Variants in ICA1L observed in about 807,000 individuals in gnomAD.
The protein encoded by ICA1L is islet cell autoantigen 1-like protein.
A neutral mutation model predicts 61.3 loss-of-function variants in ICA1L; 50 were observed. The ratio of observed to expected loss-of-function variants is 0.82; its 90% confidence interval spans 0.65 to 1.03. The LOEUF is 1.03. Ranked by LOEUF, ICA1L falls within the 50% of genes least tolerant of loss-of-function variation. ICA1L has a pLI of 0.00. For missense variants in ICA1L, 508 were observed against 556.7 expected (o/e 0.91, Z 0.88); for synonymous variants, 161 against 191.3 (o/e 0.84, Z 1.31).
intron 3 of ICA1L, among the ~76,000 whole-genome samples, chr2:202,825,125 A>T (rs923389698): frequency 5.3e-5 from 8 of 152,200 alleles, no homozygotes; most frequent in Non-Finnish European, 1.0e-4. Context: ...TGCAAGGGCA[A>T]GTGGGAGTCA....
chr2:202,777,432 G>A lies in ICA1L; in HGVS notation c.*2101C>T, dbSNP rs62194158. 0.37 allele frequency: 56,009 copies of A among 151,896 alleles called. 11,584 individuals are homozygous for A. The highest frequency in any genetic ancestry group is 0.6 in the Middle Eastern group (177 of 294). 9.4% of individuals were successfully genotyped at this position (151,896 alleles called of 1,614,324 possible). On this transcript the variant is annotated 3_prime_UTR_variant, in exon 13 of 13. Transcript: ENST00000358299. ...GGGTATAGAATTCAGATTGGGATTC[G>A]TAATCATGATCTTGGTGATTGGAAC...
chr2:202,774,470 G>GT lies in ICA1L; in HGVS notation c.*5062dup, dbSNP rs1390870959. The GT allele has an allele frequency of 6.5e-5, 32 of 491,232 alleles. No individual in the cohort carries two copies. In the East Asian group the frequency reaches 1.1e-3, roughly 16 times the overall value. 30.4% of individuals were successfully genotyped at this position (491,232 alleles called of 1,614,324 possible). A position where few individuals can be genotyped will look rare whatever the true frequency, so the allele number is the denominator to read the frequency against. ...CTCAAGAAACAACTTTTTCTTTCAT[G>GT]TTTTTTGTATGTGTTTTTTTAGGTT... On this transcript the variant is annotated 3_prime_UTR_variant, in exon 13 of 13. Transcript: ENST00000358299.
chr2:202,836,816 G>A (rs971973491), intron 1 of ICA1L, among the ~76,000 whole-genome samples: 2 of 144,158 alleles, frequency 1.4e-5, no homozygotes, highest in African/African-American at 5.0e-5. Context: ...GATATATATA[G>A]ATATATAGAT....
chr2:202,847,351 T>A (rs1465299603), intron 1 of ICA1L, among the ~76,000 whole-genome samples: 1 of 152,182 alleles, frequency 6.6e-6, no homozygotes, highest in South Asian at 2.1e-4. Flanking sequence ...ACATCTTGAA[T>A]CTGAAATGAT....
intron 12 of ICA1L, among the ~76,000 whole-genome samples, chr2:202,785,442 A>G (rs1171041507): frequency 6.6e-6 from 1 of 152,012 alleles, no homozygotes; most frequent in African/African-American, 2.4e-5. Flanking sequence ...TCTTTTGGAG[A>G]CAGTCTTGCT....
intron 8 of ICA1L, 82 bp from the exon 9 acceptor site, chr2:202,811,871 T>A: frequency 1.0e-6 from 1 of 990,976 alleles, no homozygotes; most frequent in Non-Finnish European, 1.6e-6. Flanking sequence ...TTTATATGGT[T>A]AAAAAAATTT....
rs563718776 is a variant in ICA1L, at chr2:202,815,621, T to A, written c.783+290A>T. ...CTTTAATTTTAAATTAAATTAAATT[T>A]AATTTTTTTTTTACTTTTAAATTTT... is the stretch of plus-strand genomic sequence containing the variant. On this transcript the variant is annotated intron_variant, in intron 7 of 12. Transcript: ENST00000358299. Among the ~76,000 whole-genome samples the A allele has an allele frequency of 3.6e-4, 54 of 152,002 alleles. 1 individual carries two copies. Among genetic ancestry groups the A allele is most frequent in the South Asian group, 2.3e-3 (11 of 4,818 alleles).
Position 202,786,881 on chromosome 2 carries a change from G to A in ICA1L, c.1244-874C>T, listed in dbSNP as rs1277732823. ...AAATGTCATTATGAATACTCTATGG[G>A]AATGTGGAGAAATGTTTGCTACAAC... On this transcript the variant is annotated intron_variant, in intron 11 of 12. Coordinates refer to ENST00000358299, the MANE Select transcript of ICA1L (RefSeq NM_001288622.3). The A allele has an allele frequency of 1.7e-5, 6 of 361,142 alleles. 1 individual carries two copies. The highest frequency in any genetic ancestry group is 1.9e-3 in the Middle Eastern group (2 of 1,080). The allele number at this position is 361,142 out of a possible 1,614,324, so 22.4% of individuals were successfully genotyped here.
At chr2:202,797,560 C>T (rs191688954) in intron 9 of ICA1L, among the ~76,000 whole-genome samples, 7 of 152,028 alleles carry the variant, frequency 4.6e-5, no homozygotes, top group East Asian at 3.9e-4. Flanking sequence ...CTTGCTCTGT[C>T]GCCCAGGCTG....
rs191677391 is a variant in ICA1L at position 202,776,608 on chromosome 2, G to A, written c.*2925C>T. On this transcript the variant is annotated 3_prime_UTR_variant, in exon 13 of 13. Coordinates refer to ENST00000358299, the MANE Select transcript of ICA1L (RefSeq NM_001288622.3). Reference sequence around the variant, plus strand: ...TTTCTTTCTGACCACAAAAACTGCTGAGCTTCAAATAACTAATCTTGAGAA... The same window carrying A: ...TTTCTTTCTGACCACAAAAACTGCTAAGCTTCAAATAACTAATCTTGAGAA... 6 of 152,272 alleles carry A rather than the reference G, an allele frequency of 3.9e-5. No individual in the cohort carries two copies. The highest frequency in any genetic ancestry group is 2.1e-4 in the South Asian group (1 of 4,824). 9.4% of individuals were successfully genotyped at this position (152,272 alleles called of 1,614,324 possible). A position where few individuals can be genotyped will look rare whatever the true frequency, so the allele number is the denominator to read the frequency against.
At chr2:202,789,494 A>C (rs963019204) in intron 10 of ICA1L, among the ~76,000 whole-genome samples, 2 of 152,218 alleles carry the variant, frequency 1.3e-5, no homozygotes, top group African/African-American at 4.8e-5. Context: ...GATAACACAA[A>C]CCCTGGTAAT....
intron 1 of ICA1L, among the ~76,000 whole-genome samples, chr2:202,843,482 T>C (rs1238295457): frequency 6.6e-6 from 1 of 151,938 alleles, no homozygotes; most frequent in Non-Finnish European, 1.5e-5. Context: ...CCCCAATCTA[T>C]TTTTTTTCCC....
At chr2:202,805,795 T>C (rs1344254115) in intron 9 of ICA1L, among the ~76,000 whole-genome samples, 4 of 152,090 alleles carry the variant, frequency 2.6e-5, no homozygotes, top group Admixed American at 6.6e-5. Context: ...ACTACTGACA[T>C]GGCAAAATTT....
At chr2:202,809,686 G>A (rs938899314) in intron 9 of ICA1L, among the ~76,000 whole-genome samples, 5 of 151,916 alleles carry the variant, frequency 3.3e-5, no homozygotes, top group Non-Finnish European at 5.9e-5. Flanking sequence ...GGTGGCAGAC[G>A]CCTGAGGCAG....
In ICA1L at chr2:202,782,324, G is replaced by A. The variant is rs189425964; in HGVS notation, c.1334-2676C>T. Among the ~76,000 whole-genome samples the A allele has an allele frequency of 4.6e-5, 7 of 152,238 alleles. No individual in the cohort carries two copies. The East Asian group carries it at 1.4e-3, about 29-fold the overall frequency. On this transcript the variant is annotated intron_variant, in intron 12 of 12. Coordinates refer to ENST00000358299, the MANE Select transcript of ICA1L (RefSeq NM_001288622.3). ...CATGCCACTGCACTCCAGCCTTGGT[G>A]AGAGAGCACAACTCTGTCTCAAAAA...
chr2:202,847,937 G>C (rs560896465), intron 1 of ICA1L, among the ~76,000 whole-genome samples: 1 of 152,072 alleles, frequency 6.6e-6, no homozygotes, highest in East Asian at 1.9e-4. Flanking sequence ...GCAGCAATAC[G>C]GATGCAGCTG....
intron 9 of ICA1L, among the ~76,000 whole-genome samples, chr2:202,803,422 A>AAG (rs1693143573): frequency 6.8e-6 from 1 of 146,954 alleles, no homozygotes; most frequent in Non-Finnish European, 1.5e-5. Flanking sequence ...AAAAAAAAAA[A>AAG]AGAGAACATG....
chr2:202,863,062 C>T (rs1434491108), intron 1 of ICA1L, among the ~76,000 whole-genome samples: 2 of 151,544 alleles, frequency 1.3e-5, no homozygotes, highest in East Asian at 4.0e-4. Context: ...GAGGCCGAGG[C>T]AGGCAGATCA....
intron 1 of ICA1L, chr2:202,829,263 T>C (rs1693943476): frequency 1.4e-5 from 3 of 218,736 alleles, no homozygotes; most frequent in East Asian, 2.0e-4. Context: ...AGGCAGAGAA[T>C]GGCGTGAACC....
Sources: gnomAD v4.1 joint callset for allele counts (sites outside exome capture counted in the v4.1 genomes callset) on GRCh38, gnomAD v4.1.1 for gene constraint, MANE v1.5 for transcripts, NCBI Gene and HGNC (gene_info 2026-07-23, HGNC 2026-07-21) for gene names.